The following HYDIN variants were observed in gnomAD, a reference collection of about 807,000 sequenced individuals.
The protein encoded by HYDIN is axonemal central pair apparatus protein HYDIN.
Under a neutral mutation model 403.9 loss-of-function variants are expected in HYDIN, and 132 were observed. The observed-to-expected ratio is 0.33, with a 90% confidence interval of 0.28 to 0.38. HYDIN has a LOEUF of 0.38. Ranked by LOEUF, HYDIN falls within the 10% of genes least tolerant of loss-of-function variation. The pLI, the probability that HYDIN is intolerant of heterozygous loss-of-function variation, is 1.00. For synonymous variants in HYDIN, 1,202 were observed against 1,891.7 expected, an observed-to-expected ratio of 0.64 and a Z score of 9.46; for missense variants, 2,827 against 5,009.5, an observed-to-expected ratio of 0.56 and a Z score of 13.15.
intron 75 of HYDIN, among the ~76,000 whole-genome samples, chr16:70,847,417 C>T (rs917072802): frequency 1.3e-4 from 20 of 152,020 alleles, no homozygotes; most frequent in Non-Finnish European, 2.2e-4. Context: ...TTGAGTTATC[C>T]TTTAGTGTCC....
rs768215197 is a variant in HYDIN, at chr16:71,230,690, G to A, written c.-152C>T. On this transcript the variant is annotated 5_prime_UTR_variant, in exon 1 of 86. Transcript: ENST00000393567. Reference sequence around the variant, plus strand: ...TTGAAGCCGCCCGCACTCTCCATGCGCCGCCCGAGCTGTTGCCGTCCGTTG... The same window carrying A: ...TTGAAGCCGCCCGCACTCTCCATGCACCGCCCGAGCTGTTGCCGTCCGTTG... The A allele has an allele frequency of 1.9e-5, 29 of 1,535,934 alleles. No individual in the cohort carries two copies. The highest frequency in any genetic ancestry group is 4.9e-5 in the East Asian group (2 of 40,928).
At chr16:70,905,487 G>T (rs1233061825) in intron 50 of HYDIN, among the ~76,000 whole-genome samples, 1 of 150,828 alleles carries the variant, frequency 6.6e-6, no homozygotes, top group Non-Finnish European at 1.5e-5. Flanking sequence ...ACAAAAATTA[G>T]CCAGGTGTGG....
Position 70,920,897 on chromosome 16 carries a change from C to T in HYDIN, c.7479G>A (p.Glu2493=). 6.2e-7 allele frequency: 1 copy of T among 1,613,050 alleles called. No individual in the cohort carries two copies. Among genetic ancestry groups the T allele is most frequent in the Non-Finnish European group, 8.5e-7 (1 of 1,179,478 alleles). The change falls in exon 46 of 86, where the codon GAG becomes GAA. Residue 2493 remains glutamate, a synonymous_variant. Coordinates refer to ENST00000393567, the MANE Select transcript of HYDIN (RefSeq NM_001270974.2). ...AGGGGACCTGGCGCTGGTCGTCGGG[C>T]TCATGGGGCGCTTCCTCCATCCCTG... ...PPAGMEEAPH[E]PDDQRQVPLG... is the part of the protein sequence containing the mutation.
chr16:71,006,802 C>T (rs1408090574), intron 23 of HYDIN, among the ~76,000 whole-genome samples: 1 of 152,082 alleles, frequency 6.6e-6, no homozygotes, highest in East Asian at 1.9e-4. Flanking sequence ...CGTCAGTATT[C>T]CCACCAGATT....
intron 5 of HYDIN, among the ~76,000 whole-genome samples, chr16:71,163,512 T>C (rs2086099753): frequency 6.6e-6 from 1 of 152,178 alleles, no homozygotes; most frequent in African/African-American, 2.4e-5. Flanking sequence ...TCCACTCCAC[T>C]TGCTTTCAGC....
intron 81 of HYDIN, among the ~76,000 whole-genome samples, chr16:70,828,719 A>G (rs2036761261): frequency 6.6e-6 from 1 of 152,384 alleles, no homozygotes; most frequent in East Asian, 1.9e-4. Context: ...GTAGATAAAC[A>G]TTCAACAAAT....
chr16:70,915,268 C>T lies in HYDIN; in HGVS notation c.8004+2943G>A, dbSNP rs1469274400. ...TCTGGTTCCTTCTTATTTGGGTAGG[C>T]TCTGTCAGAGGGAAAGTCTATGGCT... On this transcript the variant is annotated intron_variant, in intron 47 of 85. Transcript: ENST00000393567. 2.6e-5 allele frequency among the ~76,000 whole-genome samples: 4 copies of T among 152,242 alleles called. No homozygotes were observed. In the East Asian group the frequency reaches 7.7e-4, roughly 29 times the overall value.
Position 71,190,074 on chromosome 16 carries a change from C to T in HYDIN, c.-23-3156G>A, listed in dbSNP as rs527638009. Among the ~76,000 whole-genome samples the T allele has an allele frequency of 3.9e-5, 6 of 151,950 alleles. No individual in the cohort carries two copies. In the South Asian group the frequency reaches 1.2e-3, roughly 32 times the overall value. On this transcript the variant is annotated intron_variant, in intron 1 of 85. Coordinates refer to ENST00000393567, the MANE Select transcript of HYDIN (RefSeq NM_001270974.2). ...ATTTTCTCTTTTTAAATAATCTGCC[C>T]ACTGAAAAAGCCCATAAGCAATGAA... is the stretch of plus-strand genomic sequence containing the variant.
intron 1 of HYDIN, among the ~76,000 whole-genome samples, chr16:71,204,981 T>G (rs988012650): frequency 1.3e-5 from 2 of 152,198 alleles, no homozygotes; most frequent in African/African-American, 2.4e-5. Context: ...AGTAAATGAT[T>G]ACCAGACCAA....
chr16:71,016,473 G>C (rs2080260899), intron 23 of HYDIN, among the ~76,000 whole-genome samples: 1 of 150,332 alleles, frequency 6.7e-6, no homozygotes, highest in African/African-American at 2.4e-5. Context: ...AACAAGTGTT[G>C]GTGAGGATGC....
At position 70,921,172 on chromosome 16, in the gene HYDIN, T is replaced by C; in HGVS notation, c.7204A>G (p.Arg2402Gly). ...GTTTGTTCCCTAACAGATATTTTCC[T>C]TTCGATTGTCTCCATCTTGACATCC... Reference protein sequence around the residue: ...KVDVKMETIERKISVREQTMS... With the variant: ...KVDVKMETIEGKISVREQTMS... Residue 2402 changes from arginine to glycine, a missense_variant, in exon 46 of 86, where the codon AGG (arginine) becomes GGG (glycine). Arg to Gly is a moderately radical substitution (Grantham distance 125). Transcript: ENST00000393567. The C allele has an allele frequency of 1.4e-6, 2 of 1,472,188 alleles. No individual in the cohort carries two copies. The highest frequency in any genetic ancestry group is 1.8e-6 in the Non-Finnish European group (2 of 1,090,066). 91.2% of individuals were successfully genotyped at this position (1,472,188 alleles called of 1,614,324 possible).
At chr16:71,110,387 A>AATATT (rs2083772708) in intron 10 of HYDIN, among the ~76,000 whole-genome samples, 1 of 141,318 alleles carries the variant, frequency 7.1e-6, no homozygotes, top group African/African-American at 2.6e-5. Context: ...AAATACATAT[A>AATATT]TTTTATATAT....
chr16:70,984,384 TAAAAAAAAAAAAA>T (rs71387558), intron 28 of HYDIN, among the ~76,000 whole-genome samples: 1 of 90,724 alleles, frequency 1.1e-5, no homozygotes, highest in Non-Finnish European at 2.3e-5. Flanking sequence ...GACATGGTCT[TAAAAAAAAAAAAA>T]AAAAAAAAGT....
At chr16:71,222,402 A>G (rs2040844405) in intron 1 of HYDIN, among the ~76,000 whole-genome samples, 1 of 152,182 alleles carries the variant, frequency 6.6e-6, no homozygotes, top group East Asian at 1.9e-4. Context: ...AAAAGTTGAA[A>G]GCCTTCCCTG....
chr16:70,836,389 T>A (rs1409716260), intron 77 of HYDIN, among the ~76,000 whole-genome samples: 1 of 152,230 alleles, frequency 6.6e-6, no homozygotes, highest in Non-Finnish European at 1.5e-5. Context: ...GGCTTCATTC[T>A]GGGAGCAATG....
At chr16:71,009,095 C>T (rs1393510850) in intron 23 of HYDIN, among the ~76,000 whole-genome samples, 11 of 148,166 alleles carry the variant, frequency 7.4e-5, no homozygotes, top group Non-Finnish European at 1.5e-4. Context: ...TTGAGGGACA[C>T]AGGATTCAAC....
rs200361357 is a variant in HYDIN, at chr16:70,908,345, T to G, written c.8303A>C (p.Gln2768Pro). The G allele has an allele frequency of 7.4e-7, 1 of 1,359,374 alleles. No individual in the cohort carries two copies. The allele number at this position is 1,359,374 out of a possible 1,614,324, so 84.2% of individuals were successfully genotyped here. A position where few individuals can be genotyped will look rare whatever the true frequency, so the allele number is the denominator to read the frequency against. Residue 2768 changes from glutamine (Q) to proline (P), a missense_variant, in exon 49 of 86, where the codon CAA becomes CCA. By Grantham distance (76) the Gln-to-Pro change is moderately conservative. Transcript: ENST00000393567. The stretch of plus-strand genomic sequence containing the variant: ...TCCTAGGATCTCAAAGTTAAAGGTT[T>G]GGTCAAAGTTCCCGAACTCATCAGA... ...FSSDEFGNFD[Q>P]TFNFEILGTC... is the part of the protein sequence containing the mutation.
chr16:70,883,580 A>C lies in HYDIN; in HGVS notation c.9979+340T>G, dbSNP rs530573545. Reference sequence around the variant, plus strand: ...AAAGAAGGTAGAAGTGTTACAGATGAAGGTCTTTTATTTATGTATTTGTTT... The same window carrying C: ...AAAGAAGGTAGAAGTGTTACAGATGCAGGTCTTTTATTTATGTATTTGTTT... On this transcript the variant is annotated intron_variant, in intron 59 of 85. Coordinates refer to ENST00000393567, the MANE Select transcript of HYDIN (RefSeq NM_001270974.2). 1.4e-4 allele frequency among the ~76,000 whole-genome samples: 21 copies of C among 151,744 alleles called. 1 individual carries two copies. The South Asian group carries it at 4.0e-3, about 29-fold the overall frequency.
chr16:71,219,384 A>G (rs976995486), intron 1 of HYDIN, among the ~76,000 whole-genome samples: 2 of 152,128 alleles, frequency 1.3e-5, no homozygotes, highest in South Asian at 2.1e-4. Context: ...ATTTCACACT[A>G]ATTTTTCTTT....
Sources: gnomAD v4.1 joint callset for allele counts (sites outside exome capture counted in the v4.1 genomes callset) on GRCh38, gnomAD v4.1.1 for gene constraint, MANE v1.5 for transcripts, NCBI Gene and HGNC (gene_info 2026-07-23, HGNC 2026-07-21) for gene names.